LSAMP: variants seen among roughly 807,000 people sequenced by gnomAD.
The protein encoded by LSAMP is limbic system associated membrane protein, also known as limbic system-associated membrane protein.
In LSAMP, 7 loss-of-function variants were observed where a neutral mutation model predicts 38.6. The ratio of observed to expected loss-of-function variants is 0.18; its 90% confidence interval spans 0.10 to 0.34. LSAMP has a LOEUF of 0.34. Among genes scored for constraint, LSAMP ranks in the 10% least tolerant of loss-of-function variants. The pLI, the probability that LSAMP is intolerant of heterozygous loss-of-function variation, is 1.00. For synonymous variants in LSAMP, 154 were observed against 166.8 expected (o/e 0.92, Z 0.59); for missense variants, 313 against 420.0 (o/e 0.75, Z 2.23).
At position 116,356,895 on chromosome 3, in the gene LSAMP, G is replaced by A. The variant is rs370744040; in HGVS notation, c.155+87982C>T. On this transcript the variant is annotated intron_variant, in intron 1 of 6. Coordinates refer to ENST00000490035, the MANE Select transcript of LSAMP (RefSeq NM_002338.5). ...TGCAAGCTCCGCCTCCTGGGTTCAC[G>A]CCATTCTCCTGCCTCAGCCTCCCGA... 3.3e-3 allele frequency among the ~76,000 whole-genome samples: 497 copies of A among 152,194 alleles called. 2 individuals carry two copies. Among genetic ancestry groups the A allele is most frequent in the East Asian group, 0.022 (111 of 5,162 alleles).
chr3:115,834,880 C>A (rs527976201), intron 6 of LSAMP, among the ~76,000 whole-genome samples: 7 of 151,986 alleles, frequency 4.6e-5, no homozygotes, highest in Admixed American at 4.6e-4. Context: ...GGAAAAAACC[C>A]ACCACCAAGA....
intron 1 of LSAMP, among the ~76,000 whole-genome samples, chr3:116,209,919 T>G (rs956840161): frequency 4.0e-5 from 6 of 150,008 alleles, no homozygotes; most frequent in Non-Finnish European, 7.4e-5. Flanking sequence ...CCCGGCAAAA[T>G]TTTTTTTTGT....
chr3:116,297,877 A>G (rs992502284), intron 1 of LSAMP, among the ~76,000 whole-genome samples: 1 of 152,154 alleles, frequency 6.6e-6, no homozygotes, highest in African/African-American at 2.4e-5. Context: ...TTCTAATTTT[A>G]TCTTCATTAT....
rs529623308 is a variant in LSAMP, at chr3:116,149,045, G to A, written c.156-62489C>T. Among the ~76,000 whole-genome samples, 31 of 152,052 alleles carry A rather than the reference G, an allele frequency of 2.0e-4. No individual in the cohort carries two copies. The East Asian group carries it at 5.5e-3, about 27-fold the overall frequency. ...CAGCCTTTAATGAGCTGTTGTTAGC[G>A]CTTCGTTCAACCTTCCACTAGTCAC... is the stretch of plus-strand genomic sequence containing the variant. On this transcript the variant is annotated intron_variant, in intron 1 of 6. Coordinates refer to ENST00000490035, the MANE Select transcript of LSAMP (RefSeq NM_002338.5).
chr3:116,444,811 AACAC>A lies in LSAMP; in HGVS notation c.155+62_155+65del, dbSNP rs59857062. 6.7e-3 allele frequency: 4,724 copies of A among 706,366 alleles called. 96 individuals are homozygous for A. In the African/African-American group the frequency reaches 0.088, roughly 13 times the overall value. 43.8% of individuals were successfully genotyped at this position (706,366 alleles called of 1,614,324 possible). Reference sequence around the variant, plus strand: ...AGACACACACACACACACACACACAAACACACACACACACACACACACACGTGTA... The same window carrying A: ...AGACACACACACACACACACACACAAACACACACACACACACACACGTGTA... On this transcript the variant is annotated intron_variant, in intron 1 of 6. Transcript: ENST00000490035.
chr3:115,984,538 T>A (rs1480157568), intron 3 of LSAMP, among the ~76,000 whole-genome samples: 2 of 152,192 alleles, frequency 1.3e-5, no homozygotes, highest in Non-Finnish European at 2.9e-5. Context: ...GAATGATCCT[T>A]GTCAATTCAC....
intron 6 of LSAMP, chr3:115,816,769 A>G (rs972134207): frequency 6.8e-6 from 3 of 440,460 alleles, no homozygotes; most frequent in African/African-American, 2.1e-5. Context: ...AGGAAAGAAC[A>G]TTTTAATAGG....
chr3:116,121,648 G>A (rs186367885), intron 1 of LSAMP, among the ~76,000 whole-genome samples: 11 of 152,202 alleles, frequency 7.2e-5, no homozygotes, highest in African/African-American at 2.4e-4. Context: ...TTATGAGATA[G>A]GTACTACTAT....
intron 1 of LSAMP, among the ~76,000 whole-genome samples, chr3:116,162,667 C>T (rs1709922710): frequency 6.8e-6 from 1 of 147,898 alleles, no homozygotes; most frequent in South Asian, 2.2e-4. Flanking sequence ...TATAGTGGCT[C>T]TTCACTGGTT....
intron 1 of LSAMP, among the ~76,000 whole-genome samples, chr3:116,120,944 CCTT>C (rs1249619260): frequency 6.6e-6 from 1 of 152,120 alleles, no homozygotes; most frequent in African/African-American, 2.4e-5. Flanking sequence ...CATCAAGTGA[CCTT>C]CTGATTATAG....
intron 4 of LSAMP, among the ~76,000 whole-genome samples, chr3:115,850,823 G>A (rs1935306167): frequency 6.6e-6 from 1 of 152,182 alleles, no homozygotes; most frequent in African/African-American, 2.4e-5. Flanking sequence ...AGGTAATGGT[G>A]CATCCCAGCA....
intron 1 of LSAMP, among the ~76,000 whole-genome samples, chr3:116,114,459 A>G (rs187982692): frequency 6.6e-6 from 1 of 152,264 alleles, no homozygotes; most frequent in Admixed American, 6.5e-5. Flanking sequence ...TCTGTTCATT[A>G]CATTATCCCT....
At chr3:116,131,034 A>C (rs142500074) in intron 1 of LSAMP, among the ~76,000 whole-genome samples, 1 of 130,968 alleles carries the variant, frequency 7.6e-6, no homozygotes, top group Non-Finnish European at 1.5e-5. Context: ...TCTGTCGCCC[A>C]GGCTGGAGTG....
intron 1 of LSAMP, among the ~76,000 whole-genome samples, chr3:116,360,317 G>A (rs868190720): frequency 1.8e-5 from 1 of 55,824 alleles, no homozygotes. Context: ...AAGAAACGGC[G>A]CACCACGAGA....
chr3:115,928,969 G>GTTTTTTTTTTTTTTTTT (rs1033194537), intron 3 of LSAMP, among the ~76,000 whole-genome samples: 2 of 53,572 alleles, frequency 3.7e-5, no homozygotes, highest in African/African-American at 1.1e-4. Flanking sequence ...CAGGTTTTTT[G>GTTTTTTTTTTTTTTTTT]TTTGTTTTTT....
intron 1 of LSAMP, among the ~76,000 whole-genome samples, chr3:116,154,499 C>T (rs1030579911): frequency 2.0e-5 from 3 of 152,124 alleles, no homozygotes; most frequent in African/African-American, 7.2e-5. Flanking sequence ...TTAAACATTT[C>T]ACAGCTTGCC....
chr3:115,951,568 G>C (rs2107578335), intron 3 of LSAMP, among the ~76,000 whole-genome samples: 1 of 152,166 alleles, frequency 6.6e-6, no homozygotes, highest in East Asian at 1.9e-4. Context: ...TCAGTGGACT[G>C]GGAAAGGCAG....
intron 1 of LSAMP, among the ~76,000 whole-genome samples, chr3:116,208,765 C>T (rs1382492642): frequency 6.6e-6 from 1 of 152,206 alleles, no homozygotes; most frequent in Non-Finnish European, 1.5e-5. Flanking sequence ...GTTCTCAGAT[C>T]TCCAGCTGCG....
intron 1 of LSAMP, among the ~76,000 whole-genome samples, chr3:116,197,224 T>C (rs1710910604): frequency 6.6e-6 from 1 of 152,042 alleles, no homozygotes; most frequent in South Asian, 2.1e-4. Context: ...TTGTAACCTT[T>C]CTCTGTCCTC....
Sources: gnomAD v4.1 joint callset for allele counts (sites outside exome capture counted in the v4.1 genomes callset) on GRCh38, gnomAD v4.1.1 for gene constraint, MANE v1.5 for transcripts, NCBI Gene and HGNC (gene_info 2026-07-23, HGNC 2026-07-21) for gene names.